Variants in ANO3 observed in about 807,000 individuals in gnomAD.
ANO3 encodes anoctamin 3, also known as anoctamin-3.
A neutral mutation model predicts 144.8 loss-of-function variants in ANO3; 99 were observed. The ratio of observed to expected loss-of-function variants is 0.68; its 90% confidence interval spans 0.58 to 0.81. The LOEUF is 0.81. ANO3 is among the 30% of genes least tolerant of loss of function. The pLI is 0.00. For synonymous variants in ANO3, 414 were observed against 392.6 expected (o/e 1.05, Z -0.64); for missense variants, 905 against 1,202.2 (o/e 0.75, Z 3.66).
At chr11:26,534,425 G>A (rs370374255) in intron 8 of ANO3, 31 bp from the exon 9 acceptor site, 28 of 1,441,058 alleles carry the variant, frequency 1.9e-5, no homozygotes, top group Non-Finnish European at 2.6e-5. Context: ...GTTCTGCTTT[G>A]AATATTAAAC....
chr11:26,243,300 T>C (rs1173892239), intron 1 of ANO3, among the ~76,000 whole-genome samples: 1 of 152,122 alleles, frequency 6.6e-6, no homozygotes, highest in Admixed American at 6.6e-5. Flanking sequence ...TCTCTCACTC[T>C]CATTCTCTTC....
At chr11:26,389,439 AGAAT>A (rs1408545034) in intron 1 of ANO3, among the ~76,000 whole-genome samples, 1 of 152,062 alleles carries the variant, frequency 6.6e-6, no homozygotes, top group African/African-American at 2.4e-5. Context: ...AATGAATGAA[AGAAT>A]GAATAAATAA....
At chr11:26,218,476 C>G (rs562703267) in intron 1 of ANO3, among the ~76,000 whole-genome samples, 1 of 152,172 alleles carries the variant, frequency 6.6e-6, no homozygotes, top group South Asian at 2.1e-4. Flanking sequence ...TCCCAGGGTT[C>G]TTCTCTGCTT....
At chr11:26,424,252 C>CA (rs1188638018) in intron 1 of ANO3, among the ~76,000 whole-genome samples, 5 of 142,804 alleles carry the variant, frequency 3.5e-5, no homozygotes, top group African/African-American at 1.5e-4. Flanking sequence ...AATCTCCCCC[C>CA]CCACACACAC....
At chr11:26,533,624 T>C (rs1348545868) in intron 8 of ANO3, among the ~76,000 whole-genome samples, 4 of 151,892 alleles carry the variant, frequency 2.6e-5, no homozygotes, top group African/African-American at 9.7e-5. Flanking sequence ...AAAGGTCAGG[T>C]GGGAAAACGC....
intron 1 of ANO3, among the ~76,000 whole-genome samples, chr11:26,190,931 T>C (rs1398678523): frequency 6.6e-6 from 1 of 152,216 alleles, no homozygotes; most frequent in African/African-American, 2.4e-5. Flanking sequence ...TTCCTTAACA[T>C]TTATTGCAGT....
chr11:26,257,651 A>G (rs113356095), intron 1 of ANO3, among the ~76,000 whole-genome samples: 58 of 152,274 alleles, frequency 3.8e-4, no homozygotes, highest in African/African-American at 1.3e-3. Flanking sequence ...CCACTGATTG[A>G]TAGATCCCTC....
chr11:26,295,958 C>A (rs916718278), intron 1 of ANO3, among the ~76,000 whole-genome samples: 3 of 152,184 alleles, frequency 2.0e-5, no homozygotes, highest in Non-Finnish European at 2.9e-5. Context: ...CCTGAAAATT[C>A]TCTTGTGATA....
intron 24 of ANO3, among the ~76,000 whole-genome samples, chr11:26,652,873 C>A (rs1482491131): frequency 6.6e-6 from 1 of 152,208 alleles, no homozygotes; most frequent in Non-Finnish European, 1.5e-5. Flanking sequence ...CTCCAGTTCT[C>A]ACATCATTTG....
chr11:26,427,638 A>C (rs1468343311), intron 1 of ANO3, among the ~76,000 whole-genome samples: 1 of 152,166 alleles, frequency 6.6e-6, no homozygotes, highest in Non-Finnish European at 1.5e-5. Flanking sequence ...ATCAGCAAAC[A>C]GCTGTTGCAC....
At chr11:26,523,523 TC>T (rs780935414) in intron 6 of ANO3, among the ~76,000 whole-genome samples, 75 of 152,278 alleles carry the variant, frequency 4.9e-4, no homozygotes, top group Non-Finnish European at 9.4e-4. Flanking sequence ...AAAAGGCCCA[TC>T]GCATTTTCTA....
At chr11:26,471,678 T>G (rs1381267582) in intron 4 of ANO3, among the ~76,000 whole-genome samples, 1 of 151,882 alleles carries the variant, frequency 6.6e-6, no homozygotes, top group East Asian at 1.9e-4. Flanking sequence ...TAGGAAGTCA[T>G]GACATGAGAC....
chr11:26,553,406 T>G, intron 13 of ANO3, 61 bp downstream of exon 13: 1 of 1,171,006 alleles, frequency 8.5e-7, no homozygotes, highest in East Asian at 2.4e-5. Context: ...CTGTAAGAAG[T>G]CCTCTAGTCA....
intron 1 of ANO3, among the ~76,000 whole-genome samples, chr11:26,263,437 T>C (rs1853239340): frequency 6.6e-6 from 1 of 152,222 alleles, no homozygotes; most frequent in Non-Finnish European, 1.5e-5. Context: ...TCCCATACCC[T>C]GATTTTCAGT....
chr11:26,413,262 T>G (rs935887512), intron 1 of ANO3, among the ~76,000 whole-genome samples: 2 of 151,956 alleles, frequency 1.3e-5, no homozygotes, highest in African/African-American at 2.4e-5. Context: ...TATTCTATCC[T>G]CCCTGAATGC....
At chr11:26,221,068 T>C (rs1852133560) in intron 1 of ANO3, among the ~76,000 whole-genome samples, 2 of 152,248 alleles carry the variant, frequency 1.3e-5, no homozygotes, top group South Asian at 4.1e-4. Flanking sequence ...CCCCACACAA[T>C]AATCCTCTAC....
Position 26,642,047 on chromosome 11 carries a change from G to A in ANO3, c.2275+18G>A, listed in dbSNP as rs759803073. On this transcript the variant is annotated intron_variant, in intron 22 of 26. Coordinates refer to ENST00000256737, the MANE Select transcript of ANO3 (RefSeq NM_031418.4). ...AGAAATGGGTAAGGAAAAAAAATCTGCAGGACTATTTGGCCTTCTTGATAC... is the reference window on the plus strand; with the variant it reads ...AGAAATGGGTAAGGAAAAAAAATCTACAGGACTATTTGGCCTTCTTGATAC... 66 of 1,605,510 alleles carry A rather than the reference G, an allele frequency of 4.1e-5. No individual in the cohort carries two copies. Among genetic ancestry groups the A allele is most frequent in the Non-Finnish European group, 5.1e-5 (60 of 1,176,312 alleles).
At chr11:26,487,529 A>G (rs139331494) in intron 4 of ANO3, among the ~76,000 whole-genome samples, 40 of 152,272 alleles carry the variant, frequency 2.6e-4, no homozygotes, top group African/African-American at 9.1e-4. Context: ...GGAACTGGGT[A>G]ATAGGTGGAG....
intron 3 of ANO3, among the ~76,000 whole-genome samples, chr11:26,461,327 G>A (rs1229884412): frequency 1.3e-5 from 2 of 151,984 alleles, no homozygotes; most frequent in Admixed American, 1.3e-4. Context: ...GCATTTTAAA[G>A]TTTTCTGTGT....
Sources: allele counts gnomAD v4.1 joint callset (sites outside exome capture counted in the v4.1 genomes callset), GRCh38; gene constraint gnomAD v4.1.1; transcripts MANE v1.5; gene names NCBI Gene and HGNC (gene_info 2026-07-23, HGNC 2026-07-21).